The following IL1RAPL1 variants were observed in gnomAD, a reference collection of about 807,000 sequenced individuals.
The protein encoded by IL1RAPL1 is interleukin-1 receptor accessory protein-like 1.
Under a neutral mutation model 48.4 loss-of-function variants are expected in IL1RAPL1, and 3 were observed. That is an observed-to-expected ratio of 0.06 (90% CI 0.03 to 0.16). The LOEUF is 0.16. IL1RAPL1 is among the 10% of genes least tolerant of loss of function. IL1RAPL1 has a pLI of 1.00. For missense variants in IL1RAPL1, 349 were observed against 530.6 expected, an observed-to-expected ratio of 0.66 and a Z score of 3.36; for synonymous variants, 185 against 187.7, an observed-to-expected ratio of 0.99 and a Z score of 0.12.
chrX:29,381,826 AAAAAAAAATATATAT>A (rs1933708152), intron 3 of IL1RAPL1, among the ~76,000 whole-genome samples: 1 of 84,729 alleles, frequency 1.2e-5, no homozygotes, highest in African/African-American at 4.8e-5. Flanking sequence ...AAAAAAAAAA[AAAAAAAAATATATAT>A]ATATATATAT....
Position 29,101,753 on chromosome X carries a change from C to T in IL1RAPL1, c.83-181185C>T, listed in dbSNP as rs762530961. ...GAGTTCCAGACCAGCCTGGCCAACA[C>T]GGTGAAACTCCGTCTCTGCTAAAAA... On this transcript the variant is annotated intron_variant, in intron 2 of 10. Coordinates refer to ENST00000378993, the MANE Select transcript of IL1RAPL1 (RefSeq NM_014271.4). 2.1e-4 allele frequency among the ~76,000 whole-genome samples: 23 copies of T among 110,526 alleles called. No homozygotes were observed. The South Asian group carries it at 5.9e-3, about 28-fold the overall frequency.
chrX:29,955,770 A>G lies in IL1RAPL1; in HGVS notation c.2041A>G (p.Ile681Val). The part of the protein sequence containing the change: ...NPDEAHTNSA[I>V]LPLLPRETSI... ...AGATGAGGCCCACACAAACAGTGCC[A>G]TCCTGCCGCTGTTGCCAAGGGAGAC... Residue 681 changes from isoleucine to valine, a missense_variant, in exon 11 of 11, where the codon ATC (isoleucine) becomes GTC (valine). By Grantham distance (29) the Ile-to-Val change is conservative. This residue lies in a region of IL1RAPL1 where 65 missense variants were observed against 79.6 expected (regional missense o/e 0.82). Transcript: ENST00000378993. 8.3e-7 allele frequency: 1 copy of G among 1,211,269 alleles called. No homozygotes were observed. Among genetic ancestry groups the G allele is most frequent in the African/African-American group, 1.7e-5 (1 of 57,679 alleles).
chrX:29,778,150 G>T (rs1347050116), intron 6 of IL1RAPL1, among the ~76,000 whole-genome samples: 1 of 110,875 alleles, frequency 9.0e-6, no homozygotes, highest in East Asian at 2.8e-4. Flanking sequence ...TACACATTTC[G>T]CTTAATCTAC....
chrX:29,233,263 T>C (rs1602125765), intron 2 of IL1RAPL1, among the ~76,000 whole-genome samples: 1 of 111,145 alleles, frequency 9.0e-6, no homozygotes, highest in South Asian at 3.9e-4. Context: ...CCAGGTTTTC[T>C]TCCCCCAGCG....
chrX:28,692,850 T>C (rs1469438838), intron 1 of IL1RAPL1, among the ~76,000 whole-genome samples: 1 of 111,748 alleles, frequency 8.9e-6, no homozygotes, highest in Non-Finnish European at 1.9e-5. Context: ...CTATATATTC[T>C]TTTTTTACCT....
At chrX:29,421,614 A>G (rs1296290680) in intron 5 of IL1RAPL1, among the ~76,000 whole-genome samples, 1 of 111,703 alleles carries the variant, frequency 9.0e-6, no homozygotes, top group Non-Finnish European at 1.9e-5. Flanking sequence ...AGAGAAAAAA[A>G]AAATCTCTGG....
At chrX:29,182,419 T>TA (rs370360622) in intron 2 of IL1RAPL1, among the ~76,000 whole-genome samples, 28 of 112,164 alleles carry the variant, frequency 2.5e-4, no homozygotes, top group African/African-American at 8.7e-4. Context: ...TCTAAAATGG[T>TA]AAAAAAGCCT....
chrX:28,955,199 A>T (rs1238422925), intron 2 of IL1RAPL1, among the ~76,000 whole-genome samples: 2 of 111,694 alleles, frequency 1.8e-5, no homozygotes, highest in African/African-American at 6.5e-5. Context: ...CAAACACGTG[A>T]CAGGAATGGA....
chrX:28,833,864 G>A (rs1430109689), intron 2 of IL1RAPL1, among the ~76,000 whole-genome samples: 1 of 112,054 alleles, frequency 8.9e-6, no homozygotes. Flanking sequence ...TTTATGTAAT[G>A]TAGTGGGCTT....
chrX:29,584,813 C>G lies in IL1RAPL1; in HGVS notation c.704-83617C>G, dbSNP rs753001557. On this transcript the variant is annotated intron_variant, in intron 5 of 10. Coordinates refer to ENST00000378993, the MANE Select transcript of IL1RAPL1 (RefSeq NM_014271.4). ...AAGCTATCATCCCGCCTTGGCCTCCCAAAGTGTTGGGATTACAGGCATGAG... is the reference window on the plus strand; with the variant it reads ...AAGCTATCATCCCGCCTTGGCCTCCGAAAGTGTTGGGATTACAGGCATGAG... Among the ~76,000 whole-genome samples, 4 of 112,162 alleles carry G rather than the reference C, an allele frequency of 3.6e-5. No individual in the cohort carries two copies. In the East Asian group the frequency reaches 1.1e-3, roughly 32 times the overall value.
At chrX:29,113,897 G>C (rs1350419153) in intron 2 of IL1RAPL1, among the ~76,000 whole-genome samples, 1 of 111,111 alleles carries the variant, frequency 9.0e-6, no homozygotes, top group Non-Finnish European at 1.9e-5. Flanking sequence ...GCAGTGATAG[G>C]CATCTTTGAT....
intron 4 of IL1RAPL1, among the ~76,000 whole-genome samples, chrX:29,398,035 TCA>T (rs1365973716): frequency 7.2e-5 from 8 of 111,814 alleles, no homozygotes; most frequent in Non-Finnish European, 1.5e-4. Context: ...TATTTAAAAG[TCA>T]TAACATTTCA....
At chrX:29,367,015 A>G in intron 3 of IL1RAPL1, among the ~76,000 whole-genome samples, 1 of 111,739 alleles carries the variant, frequency 8.9e-6, no homozygotes, top group East Asian at 2.8e-4. Flanking sequence ...TTAGGGGGAA[A>G]AGAGCTTGAT....
At chrX:28,945,015 A>C (rs1401706897) in intron 2 of IL1RAPL1, among the ~76,000 whole-genome samples, 1 of 110,804 alleles carries the variant, frequency 9.0e-6, no homozygotes, top group Non-Finnish European at 1.9e-5. Context: ...TTAGTGTATT[A>C]ATAATTCATT....
chrX:29,797,455 C>T (rs183368064), intron 6 of IL1RAPL1, among the ~76,000 whole-genome samples: 2 of 112,133 alleles, frequency 1.8e-5, no homozygotes, highest in African/African-American at 6.5e-5. Flanking sequence ...AGGATGAATC[C>T]CAGCATCTCT....
At chrX:28,623,071 TC>T (rs1178420743) in intron 1 of IL1RAPL1, among the ~76,000 whole-genome samples, 1 of 111,312 alleles carries the variant, frequency 9.0e-6, no homozygotes. Context: ...ATCTCTAACT[TC>T]AAGTGAAATT....
At chrX:28,854,033 A>G (rs1212476082) in intron 2 of IL1RAPL1, among the ~76,000 whole-genome samples, 1 of 112,222 alleles carries the variant, frequency 8.9e-6, no homozygotes, top group Non-Finnish European at 1.9e-5. Flanking sequence ...AATATTTTGA[A>G]ATAAGTAAAT....
At chrX:29,019,451 G>A (rs1465640712) in intron 2 of IL1RAPL1, among the ~76,000 whole-genome samples, 1 of 111,283 alleles carries the variant, frequency 9.0e-6, no homozygotes, top group Non-Finnish European at 1.9e-5. Context: ...AAAGAACACT[G>A]CATTTAGTGA....
intron 1 of IL1RAPL1, among the ~76,000 whole-genome samples, chrX:28,594,118 A>G (rs1035574485): frequency 8.9e-6 from 1 of 111,734 alleles, no homozygotes; most frequent in Non-Finnish European, 1.9e-5. Flanking sequence ...TAACTCCTGC[A>G]GCTGTAGTAA....
Sources: allele counts gnomAD v4.1 joint callset (sites outside exome capture counted in the v4.1 genomes callset), GRCh38; gene constraint gnomAD v4.1.1; regional missense constraint gnomAD v4.1.1; transcripts MANE v1.5; gene names NCBI Gene and HGNC (gene_info 2026-07-23, HGNC 2026-07-21).